BANK1: variants seen among roughly 807,000 people sequenced by gnomAD.
BANK1 encodes B cell scaffold protein with ankyrin repeats 1, also known as B-cell scaffold protein with ankyrin repeats.
BANK1 carries 95 observed loss-of-function variants against 94.5 expected under a neutral mutation model. The observed-to-expected ratio is 1.00, with a 90% CI of 0.85 to 1.19. BANK1 has a LOEUF of 1.19. Among genes scored for constraint, BANK1 ranks in the 50% most tolerant of loss-of-function variants. BANK1 has a pLI of 0.00. For synonymous variants in BANK1, 334 were observed against 308.4 expected (o/e 1.08, Z -0.87); for missense variants, 987 against 932.2 (o/e 1.06, Z -0.77).
chr4:102,044,818 C>T (rs1727824861), intron 11 of BANK1, among the ~76,000 whole-genome samples: 1 of 101,350 alleles, frequency 9.9e-6, no homozygotes, highest in Non-Finnish European at 2.0e-5. Flanking sequence ...TTTTTGGCTG[C>T]ATAAATGTCT....
At chr4:101,912,239 C>T (rs1372681668) in intron 6 of BANK1, among the ~76,000 whole-genome samples, 1 of 152,110 alleles carries the variant, frequency 6.6e-6, no homozygotes, top group Non-Finnish European at 1.5e-5. Context: ...TATTATTAAT[C>T]CACCCTAAAA....
intron 1 of BANK1, among the ~76,000 whole-genome samples, chr4:101,815,917 A>C (rs766177287): frequency 6.6e-6 from 1 of 152,170 alleles, no homozygotes; most frequent in Non-Finnish European, 1.5e-5. Context: ...AAATTAGTCC[A>C]TTAGCATAAT....
At chr4:102,056,212 G>T (rs1384520524) in intron 11 of BANK1, among the ~76,000 whole-genome samples, 2 of 152,150 alleles carry the variant, frequency 1.3e-5, no homozygotes, top group Non-Finnish European at 2.9e-5. Context: ...CAGGAAAGGA[G>T]ATTGACACTA....
chr4:101,970,349 A>G (rs1231797176), intron 7 of BANK1, among the ~76,000 whole-genome samples: 1 of 152,172 alleles, frequency 6.6e-6, no homozygotes, highest in Non-Finnish European at 1.5e-5. Context: ...TGGCAATTGC[A>G]TAATGAACTA....
At chr4:101,843,654 T>C (rs1310582599) in intron 2 of BANK1, among the ~76,000 whole-genome samples, 2 of 152,118 alleles carry the variant, frequency 1.3e-5, no homozygotes, top group Non-Finnish European at 2.9e-5. Flanking sequence ...TGGTGGCTCA[T>C]GCCTGTAATC....
intron 7 of BANK1, among the ~76,000 whole-genome samples, chr4:101,964,871 T>C (rs984731700): frequency 1.3e-5 from 2 of 150,176 alleles, no homozygotes; most frequent in African/African-American, 4.9e-5. Flanking sequence ...CCCACTAACT[T>C]GTCATCTAGC....
chr4:101,852,720 C>T (rs924392885), intron 2 of BANK1, among the ~76,000 whole-genome samples: 7 of 151,732 alleles, frequency 4.6e-5, no homozygotes, highest in Non-Finnish European at 8.8e-5. Context: ...CAACTTTTAT[C>T]GCATAAGATA....
intron 7 of BANK1, among the ~76,000 whole-genome samples, chr4:101,927,194 G>T (rs769244264): frequency 1.3e-5 from 2 of 151,658 alleles, no homozygotes; most frequent in Non-Finnish European, 3.0e-5. Context: ...AAGCAGTCGC[G>T]TCTTATATGG....
intron 2 of BANK1, among the ~76,000 whole-genome samples, chr4:101,836,467 G>A (rs1475128311): frequency 2.6e-5 from 4 of 152,140 alleles, no homozygotes; most frequent in South Asian, 2.1e-4. Flanking sequence ...GCGACAGAGC[G>A]AGACTCTGTC....
At chr4:101,807,302 A>C (rs1725587854) in intron 1 of BANK1, among the ~76,000 whole-genome samples, 1 of 152,224 alleles carries the variant, frequency 6.6e-6, no homozygotes, top group South Asian at 2.1e-4. Context: ...TAGATAAGAA[A>C]ATCACTACTG....
At chr4:102,001,588 T>C (rs1385720955) in intron 7 of BANK1, among the ~76,000 whole-genome samples, 5 of 151,910 alleles carry the variant, frequency 3.3e-5, no homozygotes. Flanking sequence ...ACAGATAACA[T>C]AGAGGTGTAG....
intron 7 of BANK1, among the ~76,000 whole-genome samples, chr4:101,956,150 A>G (rs1272343247): frequency 6.6e-6 from 1 of 152,154 alleles, no homozygotes; most frequent in Non-Finnish European, 1.5e-5. Context: ...CAAAAAAAAT[A>G]TAATTTGGGA....
intron 7 of BANK1, among the ~76,000 whole-genome samples, chr4:101,929,439 A>G (rs1220687415): frequency 6.6e-6 from 1 of 151,660 alleles, no homozygotes; most frequent in Non-Finnish European, 1.5e-5. Flanking sequence ...AAACACTTTG[A>G]AAGTGAATTA....
intron 7 of BANK1, among the ~76,000 whole-genome samples, chr4:101,933,953 G>T (rs13125328): frequency 6.6e-6 from 1 of 151,020 alleles, no homozygotes; most frequent in Non-Finnish European, 1.5e-5. Context: ...TCATCCATTT[G>T]GTTTGCTGCC....
chr4:102,026,610 C>T (rs1435587814), intron 9 of BANK1, among the ~76,000 whole-genome samples: 2 of 152,096 alleles, frequency 1.3e-5, no homozygotes, highest in Non-Finnish European at 2.9e-5. Flanking sequence ...AGGCGATTCA[C>T]CTGAGGTCAG....
intron 10 of BANK1, among the ~76,000 whole-genome samples, chr4:102,038,081 T>G (rs936435396): frequency 6.6e-6 from 1 of 152,184 alleles, no homozygotes; most frequent in African/African-American, 2.4e-5. Flanking sequence ...CAATCTGCAT[T>G]TATGTAATTT....
At chr4:102,021,987 C>T (rs2631262) in intron 8 of BANK1, among the ~76,000 whole-genome samples, 101,132 of 151,846 alleles carry the variant, frequency 0.67, 35,068 homozygotes, top group African/African-American at 0.86. Flanking sequence ...CCTCCCTGGC[C>T]CTAATATCTG....
chr4:101,847,475 G>T (rs1004553323), intron 2 of BANK1, among the ~76,000 whole-genome samples: 1 of 151,394 alleles, frequency 6.6e-6, no homozygotes, highest in Non-Finnish European at 1.5e-5. Context: ...TAAGATTTTG[G>T]TGCACCCATC....
At chr4:101,899,427 C>T (rs1049934068) in intron 6 of BANK1, among the ~76,000 whole-genome samples, 2 of 152,110 alleles carry the variant, frequency 1.3e-5, no homozygotes, top group Non-Finnish European at 2.9e-5. Flanking sequence ...TTTCGCATCT[C>T]TTGCCAATAA....
Sources: gnomAD v4.1 joint callset for allele counts (sites outside exome capture counted in the v4.1 genomes callset) on GRCh38, gnomAD v4.1.1 for gene constraint, MANE v1.5 for transcripts, NCBI Gene and HGNC (gene_info 2026-07-23, HGNC 2026-07-21) for gene names.